The following TTC13 variants were observed in gnomAD, a reference collection of about 807,000 sequenced individuals.
TTC13 encodes the protein tetratricopeptide repeat domain 13, also known as tetratricopeptide repeat protein 13.
In TTC13, 62 loss-of-function variants were observed where a neutral mutation model predicts 120.0. The observed-to-expected ratio is 0.52, with a 90% CI of 0.42 to 0.64. The LOEUF (loss-of-function observed/expected upper bound fraction) is 0.64. Among genes scored for constraint, TTC13 ranks in the 30% least tolerant of loss-of-function variants. The pLI is 0.00. For missense variants in TTC13, 824 were observed against 1,050.2 expected (o/e 0.78, Z 2.98); for synonymous variants, 384 against 393.5 (o/e 0.98, Z 0.28).
At chr1:230,971,203 G>A (rs888487605) in intron 1 of TTC13, among the ~76,000 whole-genome samples, 19 of 151,508 alleles carry the variant, frequency 1.3e-4, no homozygotes, top group African/African-American at 3.2e-4. Flanking sequence ...AAAATTAGCC[G>A]GGCGTGGTGG....
At chr1:230,908,905 C>T (rs1392487707) in intron 21 of TTC13, 37 bp downstream of exon 21, 1 of 1,611,838 alleles carries the variant, frequency 6.2e-7, no homozygotes, top group South Asian at 1.1e-5. Flanking sequence ...GGACTTAATA[C>T]ATAACCAAGC....
chr1:230,965,544 G>A (rs760371290), intron 1 of TTC13, among the ~76,000 whole-genome samples: 1 of 152,208 alleles, frequency 6.6e-6, no homozygotes, highest in Non-Finnish European at 1.5e-5. Flanking sequence ...GCAGAACCAC[G>A]ATAGAGAACA....
chr1:230,977,197 A>T, intron 1 of TTC13, among the ~76,000 whole-genome samples: 1 of 152,196 alleles, frequency 6.6e-6, no homozygotes, highest in East Asian at 1.9e-4. Context: ...AGACTAATAT[A>T]CTAGGCTCAT....
intron 1 of TTC13, among the ~76,000 whole-genome samples, chr1:230,972,345 G>C (rs1677853553): frequency 6.6e-6 from 1 of 152,156 alleles, no homozygotes; most frequent in Non-Finnish European, 1.5e-5. Context: ...TCTACACTTA[G>C]GACATATGCA....
rs1159523707 is a variant in TTC13 at position 230,942,387 on chromosome 1, G to T, written c.672+1419C>A. 6.6e-6 allele frequency among the ~76,000 whole-genome samples: 1 copy of T among 152,094 alleles called. No individual in the cohort carries two copies. Among genetic ancestry groups the T allele is most frequent in the Non-Finnish European group, 1.5e-5 (1 of 68,012 alleles). Reference sequence around the variant, plus strand: ...TAGGGTTACAATTCAAAATAGAGAAGAGGTAAGAAATTAAATCATTCATTG... The same window carrying T: ...TAGGGTTACAATTCAAAATAGAGAATAGGTAAGAAATTAAATCATTCATTG... On this transcript the variant is annotated intron_variant, in intron 6 of 22. Transcript: ENST00000366661. This position sits in a 1 kb window ranked among gnomAD's most constrained non-coding sequence, Gnocchi z 4.0.
At chr1:230,933,682 G>T in intron 9 of TTC13, 97 bp downstream of exon 9, 1 of 640,748 alleles carries the variant, frequency 1.6e-6, no homozygotes, top group Non-Finnish European at 2.7e-6. Flanking sequence ...ATCTCCTTTG[G>T]TTAAGAAATA....
chr1:230,969,734 C>A (rs12025295), intron 1 of TTC13, among the ~76,000 whole-genome samples: 33,883 of 152,164 alleles, frequency 0.22, 3,939 homozygotes, highest in East Asian at 0.4. Context: ...TTTAGTACGT[C>A]TTAGCCTCAG....
In TTC13 at chr1:230,923,535, T is replaced by A. The variant is rs539775243; in HGVS notation, c.1814+306A>T. Among the ~76,000 whole-genome samples, 8 of 152,216 alleles carry A rather than the reference T, an allele frequency of 5.3e-5. No individual in the cohort carries two copies. In the South Asian group the frequency reaches 1.7e-3, roughly 32 times the overall value. The stretch of plus-strand genomic sequence containing the variant: ...TACTGTAATGTTCTCCATCTAATAA[T>A]TTTCTATATTTTAAGACTCCTTAAA... On this transcript the variant is annotated intron_variant, in intron 15 of 22. Transcript: ENST00000366661.
At chr1:230,967,518 T>A (rs1306976818) in intron 1 of TTC13, among the ~76,000 whole-genome samples, 1 of 152,216 alleles carries the variant, frequency 6.6e-6, no homozygotes, top group East Asian at 1.9e-4. Flanking sequence ...ATTAACAAAC[T>A]AATTTAATTT....
intron 3 of TTC13, among the ~76,000 whole-genome samples, chr1:230,955,453 G>T (rs998904379): frequency 1.9e-5 from 2 of 103,242 alleles, no homozygotes; most frequent in African/African-American, 3.4e-5. Context: ...CACAAGGTCA[G>T]GAGATCGAGA....
At position 230,961,317 on chromosome 1, in the gene TTC13, A is replaced by G. The variant is rs367864257; in HGVS notation, c.272-14T>C. On this transcript the variant is annotated splice_polypyrimidine_tract_variant and intron_variant, in intron 1 of 22. Coordinates refer to ENST00000366661, the MANE Select transcript of TTC13 (RefSeq NM_024525.5). Reference sequence around the variant, plus strand: ...AAAAGGATGACTCTGAAAGGCAAGCATTCTTTGTTATTCTCTACACCTTAA... The same window carrying G: ...AAAAGGATGACTCTGAAAGGCAAGCGTTCTTTGTTATTCTCTACACCTTAA... 5.4e-5 allele frequency: 84 copies of G among 1,569,250 alleles called. No individual in the cohort carries two copies. The African/African-American group carries it at 9.3e-4, about 17-fold the overall frequency.
chr1:230,914,110 G>C (rs1046894665), intron 18 of TTC13, among the ~76,000 whole-genome samples: 1 of 152,194 alleles, frequency 6.6e-6, no homozygotes, highest in Non-Finnish European at 1.5e-5. Flanking sequence ...AGGAGGCCCA[G>C]AGCAAGGGAG....
chr1:230,954,293 A>T (rs1369665666), intron 4 of TTC13, 40 bp downstream of exon 4: 1 of 1,455,632 alleles, frequency 6.9e-7, no homozygotes, highest in Non-Finnish European at 9.6e-7. Context: ...TTTTGTCATG[A>T]CCATAAACTC....
chr1:230,949,843 G>C (rs1407434211), intron 4 of TTC13, among the ~76,000 whole-genome samples: 1 of 152,010 alleles, frequency 6.6e-6, no homozygotes, highest in Admixed American at 6.5e-5. Flanking sequence ...TAGAGACGGG[G>C]TTTCACCATG....
chr1:230,954,183 G>T, intron 4 of TTC13, 150 bp downstream of exon 4: 1 of 484,360 alleles, frequency 2.1e-6, no homozygotes, highest in Non-Finnish European at 3.7e-6. Flanking sequence ...ACAAGGCCTG[G>T]CAGCAAGAAA....
rs772329461 is a variant in TTC13 at position 230,908,702 on chromosome 1, A to G, written c.2468+10T>C. Reference sequence around the variant, plus strand: ...TGATACCCTTGTGTGGACCCCCCTCAAGTAGTTACCTTTTCAAGTTCATCC... The same window carrying G: ...TGATACCCTTGTGTGGACCCCCCTCGAGTAGTTACCTTTTCAAGTTCATCC... On this transcript the variant is annotated intron_variant, in intron 22 of 22. Coordinates refer to ENST00000366661, the MANE Select transcript of TTC13 (RefSeq NM_024525.5). 4 of 1,611,754 alleles carry G rather than the reference A, an allele frequency of 2.5e-6. No homozygotes were observed. The highest frequency in any genetic ancestry group is 3.4e-6 in the Non-Finnish European group (4 of 1,178,078).
At chr1:230,919,579 C>A (rs1038150725) in intron 17 of TTC13, among the ~76,000 whole-genome samples, 1 of 152,162 alleles carries the variant, frequency 6.6e-6, no homozygotes. Context: ...GGTTATTTTG[C>A]CTTTCTTTAA....
chr1:230,924,927 T>C lies in TTC13; in HGVS notation c.1635A>G (p.Thr545=), dbSNP rs756337611. The change falls in exon 14 of 23, where the codon ACA becomes ACG. Residue 545 remains threonine (T), a synonymous_variant. Coordinates refer to ENST00000366661, the MANE Select transcript of TTC13 (RefSeq NM_024525.5). The part of the protein sequence containing the change: ...ALEVMQAVQR[T]WTNSKVRMNG... ...TCATTCGAACTTTCGAGTTGGTCCA[T>C]GTACGCTGCACGGCTTGCATGACCT... 2 of 1,614,212 alleles carry C rather than the reference T, an allele frequency of 1.2e-6. No homozygotes were observed. Among genetic ancestry groups the C allele is most frequent in the East Asian group, 2.2e-5 (1 of 44,886 alleles).
rs1674446923 is a variant in TTC13 at position 230,940,616 on chromosome 1, G to A, written c.673-60C>T. 25 of 1,100,948 alleles carry A rather than the reference G, an allele frequency of 2.3e-5. No individual in the cohort carries two copies. The highest frequency in any genetic ancestry group is 2.8e-4 in the Middle Eastern group (1 of 3,566). The allele number at this position is 1,100,948 out of a possible 1,614,324, so 68.2% of individuals were successfully genotyped here. A position where few individuals can be genotyped will look rare whatever the true frequency, so the allele number is the denominator to read the frequency against. ...CAATGACCAACCCTAAAATCCCAAT[G>A]TTTTTGACTCTTCAATTCCACCTCA... On this transcript the variant is annotated intron_variant, in intron 6 of 22. Transcript: ENST00000366661. This position sits in a 1 kb window ranked among gnomAD's most constrained non-coding sequence, Gnocchi z 4.1.
Sources: allele counts gnomAD v4.1 joint callset (sites outside exome capture counted in the v4.1 genomes callset), GRCh38; gene constraint gnomAD v4.1.1; non-coding constraint Gnocchi (gnomAD v3.1); transcripts MANE v1.5; gene names NCBI Gene and HGNC (gene_info 2026-07-23, HGNC 2026-07-21).